Variants in NELL2 observed in about 807,000 individuals in gnomAD.
NELL2 encodes protein kinase C-binding protein NELL2.
Under a neutral mutation model 109.6 loss-of-function variants are expected in NELL2, and 41 were observed. That is an observed-to-expected ratio of 0.37 (90% confidence interval 0.29 to 0.49). The LOEUF is 0.49. Ranked by LOEUF, NELL2 falls within the 20% of genes least tolerant of loss-of-function variation. NELL2 has a pLI of 0.98. For synonymous variants in NELL2, 355 were observed against 344.7 expected, an observed-to-expected ratio of 1.03 and a Z score of -0.33; for missense variants, 900 against 1,008.3, an observed-to-expected ratio of 0.89 and a Z score of 1.45.
chr12:44,650,896 A>G (rs376866751), intron 13 of NELL2, among the ~76,000 whole-genome samples: 4 of 152,326 alleles, frequency 2.6e-5, no homozygotes, highest in South Asian at 4.1e-4. Flanking sequence ...TCTTGGACTA[A>G]TAGCCTCCAG....
intron 12 of NELL2, among the ~76,000 whole-genome samples, chr12:44,682,895 A>T (rs1356408726): frequency 6.6e-6 from 1 of 152,096 alleles, no homozygotes; most frequent in African/African-American, 2.4e-5. Context: ...TTGACATGGC[A>T]ATGCAGGCTC....
At chr12:44,621,936 G>A (rs1019370424) in intron 13 of NELL2, among the ~76,000 whole-genome samples, 6 of 115,474 alleles carry the variant, frequency 5.2e-5, no homozygotes, top group Admixed American at 3.4e-4. Context: ...TCATGAGTTA[G>A]TATTACACCA....
chr12:44,560,374 T>G (rs577986822), intron 15 of NELL2, among the ~76,000 whole-genome samples: 9 of 152,162 alleles, frequency 5.9e-5, no homozygotes, highest in Admixed American at 1.3e-4. Context: ...TTTCAAAAAA[T>G]GAATGAATCC....
chr12:44,826,915 G>T (rs1943728098), intron 2 of NELL2, among the ~76,000 whole-genome samples: 1 of 152,024 alleles, frequency 6.6e-6, no homozygotes, highest in Admixed American at 6.5e-5. Flanking sequence ...ATATTCTGAA[G>T]ATAAATAAAT....
intron 1 of NELL2, chr12:44,913,745 T>G: frequency 1.5e-6 from 1 of 687,600 alleles, no homozygotes. Flanking sequence ...TTAAAGAATT[T>G]TTAAAATGGT....
intron 15 of NELL2, among the ~76,000 whole-genome samples, chr12:44,548,363 T>C: frequency 6.6e-6 from 1 of 151,920 alleles, no homozygotes; most frequent in Non-Finnish European, 1.5e-5. Context: ...GCCAACATAG[T>C]GAAAACCAGT....
intron 9 of NELL2, among the ~76,000 whole-genome samples, chr12:44,764,500 T>C (rs1019355513): frequency 8.5e-5 from 13 of 152,230 alleles, no homozygotes; most frequent in African/African-American, 2.9e-4. Flanking sequence ...AGTACTTACA[T>C]AATCACTAAA....
intron 12 of NELL2, among the ~76,000 whole-genome samples, chr12:44,676,866 CCTACTAT>C: frequency 6.6e-6 from 1 of 151,290 alleles, no homozygotes; most frequent in African/African-American, 2.4e-5. Context: ...TTTCTGACTT[CCTACTAT>C]GTCCAAGGTA....
chr12:44,587,302 TATATA>T (rs1296302145), intron 15 of NELL2, among the ~76,000 whole-genome samples: 7 of 114,388 alleles, frequency 6.1e-5, no homozygotes, highest in African/African-American at 2.8e-4. Flanking sequence ...TATATATATA[TATATA>T]TTTTTTTTTA....
intron 15 of NELL2, among the ~76,000 whole-genome samples, chr12:44,590,228 T>C (rs7299494): frequency 0.16 from 24,810 of 151,918 alleles, 2,435 homozygotes; most frequent in East Asian, 0.28. Flanking sequence ...TATATATTTA[T>C]CATAGTTGCA....
intron 3 of NELL2, among the ~76,000 whole-genome samples, chr12:44,798,431 A>G (rs1942708739): frequency 6.6e-6 from 1 of 152,100 alleles, no homozygotes; most frequent in Non-Finnish European, 1.5e-5. Context: ...TAAAATTTCA[A>G]ATAATGGCAA....
chr12:44,522,239 A>G lies in NELL2; in HGVS notation c.1999-63T>C, dbSNP rs879593307. Reference sequence around the variant, plus strand: ...CCATTTCTCAGTAACACGCACACACACACACGCACACACATTTCAGATGGT... The same window carrying G: ...CCATTTCTCAGTAACACGCACACACGCACACGCACACACATTTCAGATGGT... On this transcript the variant is annotated intron_variant, in intron 17 of 19. Transcript: ENST00000429094. The G allele has an allele frequency of 1.1e-5, 14 of 1,301,066 alleles. 1 individual carries two copies. Among genetic ancestry groups the G allele is most frequent in the Admixed American group, 6.6e-5 (3 of 45,372 alleles). 80.6% of individuals were successfully genotyped at this position (1,301,066 alleles called of 1,614,324 possible).
intron 3 of NELL2, among the ~76,000 whole-genome samples, chr12:44,802,755 T>C (rs1395058636): frequency 6.6e-6 from 1 of 152,124 alleles, no homozygotes; most frequent in African/African-American, 2.4e-5. Context: ...CTCAAGTTGT[T>C]GATACTACCA....
rs34309919 is a variant in NELL2 at position 44,542,291 on chromosome 12, C to CTTT, written c.1664-9573_1664-9571dup. 2.1e-5 allele frequency among the ~76,000 whole-genome samples: 3 copies of CTTT among 142,168 alleles called. 1 individual carries two copies. The highest frequency in any genetic ancestry group is 2.1e-4 in the East Asian group (1 of 4,870). The allele number at this position is 142,168 out of a possible 152,430, so 93.3% of individuals were successfully genotyped here. ...ACCTCAATGTCCTCTATATATTAGT[C>CTTT]TTTTTTTTTTTTTTGCAGACCTTAT... On this transcript the variant is annotated intron_variant, in intron 15 of 19. Coordinates refer to ENST00000429094, the MANE Select transcript of NELL2 (RefSeq NM_001145108.2).
intron 19 of NELL2, among the ~76,000 whole-genome samples, chr12:44,511,483 A>G (rs1941001086): frequency 6.6e-6 from 1 of 152,184 alleles, no homozygotes; most frequent in Admixed American, 6.5e-5. Flanking sequence ...GCTTGAGATA[A>G]CTATAAGGAA....
intron 1 of NELL2, among the ~76,000 whole-genome samples, chr12:44,892,575 A>G (rs180940638): frequency 2.0e-5 from 3 of 152,114 alleles, no homozygotes; most frequent in African/African-American, 7.2e-5. Flanking sequence ...AGGCAGGCAG[A>G]TCACGAGGTC....
intron 13 of NELL2, among the ~76,000 whole-genome samples, chr12:44,630,051 A>G (rs1376596156): frequency 6.6e-6 from 1 of 152,188 alleles, no homozygotes; most frequent in African/African-American, 2.4e-5. Context: ...TGCAGAAGCA[A>G]TACCTATATG....
intron 18 of NELL2, 57 bp downstream of exon 18, chr12:44,521,943 T>C (rs1941558800): frequency 1.3e-6 from 2 of 1,576,808 alleles, no homozygotes. Flanking sequence ...ACGAGGTTGC[T>C]TCTCTATTTA....
Position 44,520,221 on chromosome 12 carries a change from T to A in NELL2, c.2184A>T (p.Glu728Asp). The stretch of plus-strand genomic sequence containing the variant: ...GGCAAGGCAGGGGCCAACAATCAAC[T>A]TCCCCTTGCTACAAGGAAAGCAGAT... Reference protein sequence around the residue: ...NCQQCRCLQGEVDCWPLPCPD... With the variant: ...NCQQCRCLQGDVDCWPLPCPD... The change falls in exon 19 of 20, where the codon GAA (glutamate) becomes GAT (aspartate). Residue 728 changes from glutamate (E) to aspartate (D), a missense_variant. Transcript: ENST00000429094. The A allele has an allele frequency of 6.2e-7, 1 of 1,609,614 alleles. No homozygotes were observed. Among genetic ancestry groups the A allele is most frequent in the African/African-American group, 1.3e-5 (1 of 74,870 alleles).
Sources: allele counts gnomAD v4.1 joint callset (sites outside exome capture counted in the v4.1 genomes callset), GRCh38; gene constraint gnomAD v4.1.1; transcripts MANE v1.5; gene names NCBI Gene and HGNC (gene_info 2026-07-23, HGNC 2026-07-21).